The following ADCY2 variants were observed in gnomAD, a reference collection of about 807,000 sequenced individuals.
ADCY2 encodes adenylate cyclase type 2.
In ADCY2, 31 loss-of-function variants were observed where a neutral mutation model predicts 125.2. That is an observed-to-expected ratio of 0.25 (90% CI 0.19 to 0.33). The LOEUF is 0.33. Ranked by LOEUF, ADCY2 falls within the 10% of genes least tolerant of loss-of-function variation. The probability of loss-of-function intolerance (pLI) is 1.00; values close to 1 mark genes in which losing one functional copy is unlikely to be tolerated. For missense variants in ADCY2, 904 were observed against 1,418.2 expected (o/e 0.64, Z 5.82); for synonymous variants, 512 against 548.4 (o/e 0.93, Z 0.93).
chr5:7,485,492 G>T (rs1430240940), intron 2 of ADCY2, among the ~76,000 whole-genome samples: 1 of 152,114 alleles, frequency 6.6e-6, no homozygotes, highest in African/African-American at 2.4e-5. Context: ...AAAACAGAAA[G>T]AATTATAATG....
intron 2 of ADCY2, among the ~76,000 whole-genome samples, chr5:7,504,991 C>T (rs968020585): frequency 5.9e-5 from 9 of 152,030 alleles, no homozygotes; most frequent in African/African-American, 1.9e-4. Context: ...GATCCTCCCA[C>T]CCCAGCCTCC....
chr5:7,694,259 CT>C (rs895798629), intron 5 of ADCY2, among the ~76,000 whole-genome samples: 1 of 152,064 alleles, frequency 6.6e-6, no homozygotes, highest in African/African-American at 2.4e-5. Context: ...CCTTTTTGTA[CT>C]TTTTTTTACT....
intron 3 of ADCY2, among the ~76,000 whole-genome samples, chr5:7,570,697 A>T (rs1736041282): frequency 6.6e-6 from 1 of 152,080 alleles, no homozygotes; most frequent in Non-Finnish European, 1.5e-5. Flanking sequence ...TTTGAACTCC[A>T]CACTACAGAA....
At chr5:7,672,446 C>T (rs906350299) in intron 4 of ADCY2, among the ~76,000 whole-genome samples, 3 of 152,050 alleles carry the variant, frequency 2.0e-5, no homozygotes, top group African/African-American at 7.2e-5. Flanking sequence ...TCTGGCCTGC[C>T]ACCTGTTTTT....
At chr5:7,665,832 T>TTTTTTC (rs1739697345) in intron 4 of ADCY2, among the ~76,000 whole-genome samples, 1 of 100,690 alleles carries the variant, frequency 9.9e-6, no homozygotes, top group Non-Finnish European at 2.1e-5. Context: ...TTAATTCTTT[T>TTTTTTC]TTTTTTTTTT....
At chr5:7,806,329 T>G (rs1224457885) in intron 22 of ADCY2, among the ~76,000 whole-genome samples, 1 of 152,080 alleles carries the variant, frequency 6.6e-6, no homozygotes, top group Non-Finnish European at 1.5e-5. Context: ...AAAAATAACA[T>G]TAAGACATGT....
chr5:7,492,545 A>G (rs1176381749), intron 2 of ADCY2, among the ~76,000 whole-genome samples: 1 of 152,198 alleles, frequency 6.6e-6, no homozygotes, highest in Non-Finnish European at 1.5e-5. Flanking sequence ...GCCAGAGGCA[A>G]TGGATATTTG....
Position 7,396,244 on chromosome 5 carries a change from AGCGGCGCTGCCCGGGCCGG to A in ADCY2, c.-49_-31del. On this transcript the variant is annotated 5_prime_UTR_variant, in exon 1 of 25. Coordinates refer to ENST00000338316, the MANE Select transcript of ADCY2 (RefSeq NM_020546.3). The surrounding 1 kb of genome is among the most constrained non-coding windows in gnomAD (Gnocchi z 5.7). ...GGGTGGGACGCGGGCGGCCGCGGCG[AGCGGCGCTGCCCGGGCCGG>A]GCGCGCACGGCGGGCGCCCTGTGAG... The A allele has an allele frequency of 2.1e-6, 2 of 948,366 alleles. No individual in the cohort carries two copies. The highest frequency in any genetic ancestry group is 2.5e-6 in the Non-Finnish European group (2 of 800,444). The allele number at this position is 948,366 out of a possible 1,614,324, so 58.7% of individuals were successfully genotyped here.
At chr5:7,804,514 T>C (rs1744699644) in intron 21 of ADCY2, 71 bp from the exon 22 acceptor site, 4 of 1,157,476 alleles carry the variant, frequency 3.5e-6, no homozygotes, top group Non-Finnish European at 5.2e-6. Context: ...CATTTGAGAA[T>C]GTCTCTATAA....
rs1741959904 is a variant in ADCY2 at position 7,727,199 on chromosome 5, T to C, written c.1809T>C (p.Tyr603=). 2.5e-6 allele frequency: 4 copies of C among 1,614,208 alleles called. No homozygotes were observed. The highest frequency in any genetic ancestry group is 2.2e-5 in the South Asian group (2 of 91,082). The part of the protein sequence containing the change: ...RATALPAFKY[Y]VTCACLIFFC... ...CGGCACTGCCAGCGTTCAAGTATTA[T>C]GTGACTTGTGCCTGTCTCATATTCT... Residue 603 remains tyrosine (Y), a synonymous_variant, in exon 14 of 25, where the codon TAT becomes TAC. Transcript: ENST00000338316.
At chr5:7,727,965 T>G (rs1269948437) in intron 14 of ADCY2, among the ~76,000 whole-genome samples, 2 of 152,156 alleles carry the variant, frequency 1.3e-5, no homozygotes, top group African/African-American at 4.8e-5. Context: ...AGAAAGCTAA[T>G]TCTCATTTTA....
intron 14 of ADCY2, among the ~76,000 whole-genome samples, chr5:7,742,120 A>T (rs1742455882): frequency 7.0e-6 from 1 of 142,608 alleles, no homozygotes; most frequent in Non-Finnish European, 1.6e-5. Flanking sequence ...CTAGGAGAGC[A>T]TAGTGCCCAA....
At chr5:7,781,531 G>A (rs1300421243) in intron 18 of ADCY2, among the ~76,000 whole-genome samples, 1 of 152,188 alleles carries the variant, frequency 6.6e-6, no homozygotes. Flanking sequence ...GCTAAGAAAA[G>A]CCAATGATGG....
rs547366200 is a variant in ADCY2 at position 7,666,104 on chromosome 5, C to T, written c.721-24587C>T. On this transcript the variant is annotated intron_variant, in intron 4 of 24. Coordinates refer to ENST00000338316, the MANE Select transcript of ADCY2 (RefSeq NM_020546.3). ...CCGCCCGCCTTGGCCTCCCAAAGTG[C>T]TGGGATTACAGGCGTGAGCCACTGC... 6.3e-3 allele frequency among the ~76,000 whole-genome samples: 955 copies of T among 151,672 alleles called. 7 individuals are homozygous for T. The highest frequency in any genetic ancestry group is 9.1e-3 in the Non-Finnish European group (618 of 67,900).
intron 2 of ADCY2, among the ~76,000 whole-genome samples, chr5:7,498,903 T>C (rs1026081728): frequency 2.0e-5 from 3 of 152,164 alleles, no homozygotes; most frequent in Non-Finnish European, 2.9e-5. Context: ...AAGTATAATG[T>C]TGGCCAGAAA....
At chr5:7,700,235 G>A (rs1741034312) in intron 7 of ADCY2, among the ~76,000 whole-genome samples, 1 of 152,068 alleles carries the variant, frequency 6.6e-6, no homozygotes, top group South Asian at 2.1e-4. Context: ...TTTTCACTGT[G>A]ATTCCAGAGA....
intron 2 of ADCY2, among the ~76,000 whole-genome samples, chr5:7,494,499 G>T (rs1743277420): frequency 6.6e-6 from 1 of 152,062 alleles, no homozygotes; most frequent in Non-Finnish European, 1.5e-5. Flanking sequence ...TATTTTCCCT[G>T]TTATTCAAAA....
intron 2 of ADCY2, among the ~76,000 whole-genome samples, chr5:7,420,649 G>C (rs1257040940): frequency 6.6e-6 from 1 of 152,166 alleles, no homozygotes; most frequent in Non-Finnish European, 1.5e-5. Flanking sequence ...CCACGTAGCT[G>C]CCTCCCAGAT....
chr5:7,465,494 T>C (rs1020368486), intron 2 of ADCY2, among the ~76,000 whole-genome samples: 1 of 152,214 alleles, frequency 6.6e-6, no homozygotes, highest in African/African-American at 2.4e-5. Context: ...TGTGCTTCTT[T>C]GATTCACGGC....
Sources: gnomAD v4.1 joint callset for allele counts (sites outside exome capture counted in the v4.1 genomes callset) on GRCh38, gnomAD v4.1.1 for gene constraint, Gnocchi (gnomAD v3.1) non-coding constraint, MANE v1.5 for transcripts, NCBI Gene and HGNC (gene_info 2026-07-23, HGNC 2026-07-21) for gene names.